The following VPS50 variants were observed in gnomAD, a reference collection of about 807,000 sequenced individuals.
VPS50 encodes the protein VPS50 subunit of EARP/GARPII complex.
Under a neutral mutation model 139.7 loss-of-function variants are expected in VPS50, and 70 were observed. The ratio of observed to expected loss-of-function variants is 0.50; its 90% CI spans 0.41 to 0.61. The LOEUF (loss-of-function observed/expected upper bound fraction) is 0.61, where lower values mean the gene tolerates loss of function less well. VPS50 is among the 20% of genes least tolerant of loss of function. The pLI is 0.00. For synonymous variants in VPS50, 365 were observed against 376.7 expected (o/e 0.97, Z 0.36); for missense variants, 921 against 1,133.7 (o/e 0.81, Z 2.69).
At chr7:93,284,089 T>A (rs570779044) in intron 12 of VPS50, among the ~76,000 whole-genome samples, 68 of 152,076 alleles carry the variant, frequency 4.5e-4, no homozygotes, top group Non-Finnish European at 8.2e-4. Context: ...CTGGATGATT[T>A]TTTTAGGGAG....
At chr7:93,354,351 T>C (rs1171515827) in intron 26 of VPS50, among the ~76,000 whole-genome samples, 1 of 151,506 alleles carries the variant, frequency 6.6e-6, no homozygotes, top group Non-Finnish European at 1.5e-5. Context: ...TGGAGTGCAG[T>C]GGTGCAATCT....
intron 24 of VPS50, 54 bp from the exon 25 acceptor site, chr7:93,349,821 C>T (rs1584496208): frequency 7.3e-7 from 1 of 1,367,670 alleles, no homozygotes; most frequent in Non-Finnish European, 1.0e-6. Context: ...TATTCTTTAT[C>T]AATATGATAC....
At chr7:93,275,095 T>C (rs1796114656) in intron 11 of VPS50, among the ~76,000 whole-genome samples, 1 of 152,174 alleles carries the variant, frequency 6.6e-6, no homozygotes, top group South Asian at 2.1e-4. Flanking sequence ...TACAATCTTA[T>C]GATAAAACTT....
At chr7:93,259,739 C>T (rs569343117) in intron 9 of VPS50, 107 bp downstream of exon 9, 24 of 576,318 alleles carry the variant, frequency 4.2e-5, no homozygotes, top group African/African-American at 4.0e-4. Context: ...GTGTTGTGTT[C>T]TAGTTTAACA....
chr7:93,345,566 C>T (rs1384565733), intron 23 of VPS50, among the ~76,000 whole-genome samples: 1 of 152,112 alleles, frequency 6.6e-6, no homozygotes, highest in African/African-American at 2.4e-5. Flanking sequence ...AACATTGATG[C>T]AAAAATCCTT....
At chr7:93,308,710 G>T in intron 18 of VPS50, 114 bp from the exon 19 acceptor site, 2 of 464,436 alleles carry the variant, frequency 4.3e-6, no homozygotes. Flanking sequence ...GCTAAATTAA[G>T]AATTTTCTTG....
intron 12 of VPS50, among the ~76,000 whole-genome samples, chr7:93,286,226 C>T (rs1229131668): frequency 1.3e-5 from 2 of 152,056 alleles, no homozygotes; most frequent in Non-Finnish European, 2.9e-5. Context: ...TTATTTAGCT[C>T]TTGGGGATGT....
intron 11 of VPS50, among the ~76,000 whole-genome samples, chr7:93,274,813 A>C (rs1272754145): frequency 6.6e-6 from 1 of 152,174 alleles, no homozygotes; most frequent in Non-Finnish European, 1.5e-5. Flanking sequence ...TATGCCATTA[A>C]GAACATTTGT....
intron 12 of VPS50, among the ~76,000 whole-genome samples, chr7:93,287,919 A>C (rs2116927889): frequency 6.6e-6 from 1 of 152,310 alleles, no homozygotes; most frequent in Admixed American, 6.5e-5. Flanking sequence ...CAAGTGTATT[A>C]GTCTGTTCTC....
At position 93,356,012 on chromosome 7, in the gene VPS50, G is replaced by A. The variant is rs1236020155; in HGVS notation, c.2707G>A (p.Val903Ile). ...DIRPIPDKEF[V>I]ETYIKAYYLT... ...TAGACCCATTCCTGATAAAGAATTT[G>A]TAGAAACTTATATTAAAGCTTATTA... Residue 903 changes from valine to isoleucine, a missense_variant, in exon 27 of 28, where the codon GTA becomes ATA. Val to Ile is a conservative substitution (Grantham distance 29). Around this residue, in one of 3 missense-constraint regions of VPS50, gnomAD observed 158 missense variants for 156.3 expected, o/e 1.01. Coordinates refer to ENST00000305866, the MANE Select transcript of VPS50 (RefSeq NM_017667.4). 12 of 1,583,706 alleles carry A rather than the reference G, an allele frequency of 7.6e-6. No individual in the cohort carries two copies. Among genetic ancestry groups the A allele is most frequent in the East Asian group, 2.2e-5 (1 of 44,524 alleles).
intron 16 of VPS50, among the ~76,000 whole-genome samples, chr7:93,298,690 A>G (rs1012305861): frequency 6.6e-6 from 1 of 152,236 alleles, no homozygotes; most frequent in African/African-American, 2.4e-5. Context: ...ACCATGATGG[A>G]AATTCCTCAC....
intron 23 of VPS50, among the ~76,000 whole-genome samples, chr7:93,346,180 A>G (rs532057454): frequency 6.6e-6 from 1 of 152,234 alleles, no homozygotes; most frequent in African/African-American, 2.4e-5. Flanking sequence ...CTTATACACC[A>G]ACAACAGACA....
intron 26 of VPS50, among the ~76,000 whole-genome samples, chr7:93,355,630 C>T (rs367880190): frequency 3.9e-4 from 60 of 152,178 alleles, no homozygotes; most frequent in East Asian, 1.5e-3. Context: ...TACAGAGATC[C>T]GTGGTCTGTA....
chr7:93,337,528 A>T (rs1798099731), intron 22 of VPS50, among the ~76,000 whole-genome samples: 2 of 152,218 alleles, frequency 1.3e-5, no homozygotes, highest in Admixed American at 1.3e-4. Context: ...TATATTGTGT[A>T]TATGATATCT....
At chr7:93,268,547 A>G (rs546320429) in intron 9 of VPS50, among the ~76,000 whole-genome samples, 1 of 152,100 alleles carries the variant, frequency 6.6e-6, no homozygotes, top group South Asian at 2.1e-4. Flanking sequence ...CTCATTGTTC[A>G]TCTCCCACTT....
Position 93,272,638 on chromosome 7 carries a change from C to G in VPS50, c.706C>G (p.Gln236Glu). 1 of 1,430,516 alleles carries G rather than the reference C, an allele frequency of 7.0e-7. No homozygotes were observed. Among genetic ancestry groups the G allele is most frequent in the Non-Finnish European group, 9.7e-7 (1 of 1,032,062 alleles). The allele number at this position is 1,430,516 out of a possible 1,614,324, so 88.6% of individuals were successfully genotyped here. Residue 236 changes from glutamine (Q) to glutamate (E), a missense_variant, in exon 11 of 28, where the codon CAG (glutamine) becomes GAG (glutamate). Coordinates refer to ENST00000305866, the MANE Select transcript of VPS50 (RefSeq NM_017667.4). Reference protein sequence around the residue: ...LQDTLEQIEEQLDVALSKICK... With the variant: ...LQDTLEQIEEELDVALSKICK... ...GCTTCTTCTTTTAATTATATAGGAA[C>G]AGCTGGACGTAGCTCTTTCCAAAAT... is the stretch of plus-strand genomic sequence containing the variant.
In VPS50 at chr7:93,325,101, T is replaced by C. The variant is rs1456088497; in HGVS notation, c.1977+1369T>C. Among the ~76,000 whole-genome samples, 5 of 152,076 alleles carry C rather than the reference T, an allele frequency of 3.3e-5. No homozygotes were observed. The East Asian group carries it at 9.7e-4, about 29-fold the overall frequency. On this transcript the variant is annotated intron_variant, in intron 21 of 27. Transcript: ENST00000305866. ...TGGTACTGGTACCAAAACAGAGATATAGATCAATGGAACAGAACAGAGCCC... is the reference window on the plus strand; with the variant it reads ...TGGTACTGGTACCAAAACAGAGATACAGATCAATGGAACAGAACAGAGCCC...
intron 2 of VPS50, among the ~76,000 whole-genome samples, chr7:93,241,884 ATGT>A (rs1357160233): frequency 6.6e-6 from 1 of 152,074 alleles, no homozygotes; most frequent in Non-Finnish European, 1.5e-5. Flanking sequence ...TTTGAAATTA[ATGT>A]TGTTGCTAGT....
At chr7:93,264,606 A>C (rs776752161) in intron 9 of VPS50, among the ~76,000 whole-genome samples, 7 of 152,162 alleles carry the variant, frequency 4.6e-5, no homozygotes, top group Non-Finnish European at 8.8e-5. Flanking sequence ...ATCTTTCAAG[A>C]ATTCCTTCAT....
Sources: allele counts gnomAD v4.1 joint callset (sites outside exome capture counted in the v4.1 genomes callset), GRCh38; gene constraint gnomAD v4.1.1; regional missense constraint gnomAD v4.1.1; transcripts MANE v1.5; gene names NCBI Gene and HGNC (gene_info 2026-07-23, HGNC 2026-07-21).